The following ZNF341 variants were observed in gnomAD, a reference collection of about 807,000 sequenced individuals.
The protein encoded by ZNF341 is zinc finger protein 341.
Under a neutral mutation model 87.7 loss-of-function variants are expected in ZNF341, and 52 were observed. The ratio of observed to expected loss-of-function variants is 0.59; its 90% CI spans 0.47 to 0.75. The LOEUF is 0.75. ZNF341 is among the 30% of genes least tolerant of loss of function. ZNF341 has a pLI of 0.00. For synonymous variants in ZNF341, 459 were observed against 472.7 expected (o/e 0.97, Z 0.38); for missense variants, 977 against 1,145.9 (o/e 0.85, Z 2.13).
At chr20:33,741,866 G>A (rs2018810394) in intron 2 of ZNF341, among the ~76,000 whole-genome samples, 1 of 152,210 alleles carries the variant, frequency 6.6e-6, no homozygotes, top group African/African-American at 2.4e-5. Flanking sequence ...GTGGGCAAGT[G>A]AGTGAATTTC....
At chr20:33,773,003 G>A (rs1319816636) in intron 10 of ZNF341, among the ~76,000 whole-genome samples, 5 of 152,170 alleles carry the variant, frequency 3.3e-5, no homozygotes. Context: ...AATTTTCTTT[G>A]GCTCTTGCCC....
chr20:33,778,473 G>C (rs1393997716), intron 10 of ZNF341, among the ~76,000 whole-genome samples: 2 of 152,080 alleles, frequency 1.3e-5, no homozygotes, highest in South Asian at 4.2e-4. Context: ...ACCACACCTG[G>C]CTAATTTTTG....
At chr20:33,772,386 G>T (rs1425905564) in intron 10 of ZNF341, among the ~76,000 whole-genome samples, 2 of 152,090 alleles carry the variant, frequency 1.3e-5, no homozygotes, top group African/African-American at 2.4e-5. Context: ...GCAGAGATTT[G>T]GTGTTTCTGT....
intron 10 of ZNF341, among the ~76,000 whole-genome samples, chr20:33,774,666 T>C (rs2122713685): frequency 1.3e-5 from 2 of 152,324 alleles, no homozygotes; most frequent in Middle Eastern, 6.8e-3. Context: ...TTAAAACTTT[T>C]TCACTTAAAA....
chr20:33,736,976 G>C (rs892871005), intron 1 of ZNF341, among the ~76,000 whole-genome samples: 1 of 152,290 alleles, frequency 6.6e-6, no homozygotes, highest in African/African-American at 2.4e-5. Flanking sequence ...AAACACTTAG[G>C]GGGTGGCCAG....
At chr20:33,753,100 AT>A in intron 4 of ZNF341, 71 bp from the exon 5 acceptor site, 1 of 1,601,658 alleles carries the variant, frequency 6.2e-7, no homozygotes, top group South Asian at 1.1e-5. Context: ...GCTAAAGCAA[AT>A]GTCCTTCCTT....
chr20:33,740,169 C>G (rs751667772), intron 1 of ZNF341, among the ~76,000 whole-genome samples: 1 of 152,132 alleles, frequency 6.6e-6, no homozygotes, highest in Non-Finnish European at 1.5e-5. Context: ...TGGCTCCATC[C>G]AGCTTTTTAT....
intron 12 of ZNF341, chr20:33,788,294 C>G (rs974177184): frequency 6.3e-6 from 1 of 158,090 alleles, no homozygotes; most frequent in Non-Finnish European, 1.4e-5. Flanking sequence ...TGGCACACAC[C>G]TGTAATCCCA....
intron 12 of ZNF341, among the ~76,000 whole-genome samples, chr20:33,786,704 C>T (rs768652326): frequency 1.3e-5 from 2 of 152,084 alleles, no homozygotes; most frequent in African/African-American, 4.8e-5. Flanking sequence ...CGCGGTGGCT[C>T]ATGCCTGTAA....
In ZNF341 at chr20:33,740,825, T is replaced by G. The variant is rs980437783; in HGVS notation, c.32-77T>G. 1.0e-4 allele frequency: 138 copies of G among 1,384,634 alleles called. 1 individual carries two copies. The Admixed American group carries it at 2.4e-3, about 24-fold the overall frequency. 85.8% of individuals were successfully genotyped at this position (1,384,634 alleles called of 1,614,324 possible). A position where few individuals can be genotyped will look rare whatever the true frequency, so the allele number is the denominator to read the frequency against. On this transcript the variant is annotated intron_variant, in intron 1 of 14. Coordinates refer to ENST00000375200, the MANE Select transcript of ZNF341 (RefSeq NM_001282933.2). ...ACCCAGCCGCCACAGGGGTTTTGCC[T>G]GGGTCTGGCTTGTAAGGGTGATGTC...
At chr20:33,777,348 AAT>A (rs2019648895) in intron 10 of ZNF341, among the ~76,000 whole-genome samples, 1 of 147,994 alleles carries the variant, frequency 6.8e-6, no homozygotes. Flanking sequence ...AAAAAAAAAA[AAT>A]CAGGCCAGGT....
At chr20:33,746,255 C>T (rs181900942) in intron 3 of ZNF341, among the ~76,000 whole-genome samples, 2,141 of 76,190 alleles carry the variant, frequency 0.028, 83 homozygotes, top group African/African-American at 0.13. Context: ...TTTTTTGAGA[C>T]GGAGTTTCAC....
In ZNF341 at chr20:33,791,463, C is replaced by T. The variant is rs756565760; in HGVS notation, c.2511C>T (p.Ala837=). 16 of 1,601,252 alleles carry T rather than the reference C, an allele frequency of 1.0e-5. No homozygotes were observed. Among genetic ancestry groups the T allele is most frequent in the African/African-American group, 6.7e-5 (5 of 74,970 alleles). Residue 837 remains alanine (A), a synonymous_variant, in exon 15 of 15, where the codon GCC becomes GCT. Transcript: ENST00000375200. The stretch of plus-strand genomic sequence containing the variant: ...CTCTGGCGGAGCTGCAGGCTGGGGC[C>T]GAGGGCCCATGTGCCATGCTCGCTG... ...NLALAELQAG[A]EGPCAMLAVP...
chr20:33,737,958 A>G (rs1420133799), intron 1 of ZNF341, among the ~76,000 whole-genome samples: 1 of 150,948 alleles, frequency 6.6e-6, no homozygotes, highest in African/African-American at 2.4e-5. Context: ...ACCAACATGG[A>G]GAAACCCTGT....
chr20:33,790,981 C>T lies in ZNF341; in HGVS notation c.2036-7C>T, dbSNP rs1260872070. On this transcript the variant is annotated splice_polypyrimidine_tract_variant and splice_region_variant and intron_variant, in intron 14 of 14. Transcript: ENST00000375200. ...ATGCTTCTCACTGACTTTCCCTTGC[C>T]CTCCAGGCATGAAGCTCCACAAATG... 6 of 1,605,172 alleles carry T rather than the reference C, an allele frequency of 3.7e-6. No individual in the cohort carries two copies. The African/African-American group carries it at 4.0e-5, about 11-fold the overall frequency.
chr20:33,788,680 C>G, intron 12 of ZNF341, 183 bp from the exon 13 acceptor site: 2 of 657,700 alleles, frequency 3.0e-6, no homozygotes, highest in Non-Finnish European at 5.6e-6. Flanking sequence ...TCCTGACCAT[C>G]CTGTCAAAAT....
At chr20:33,746,453 C>G (rs1447045827) in intron 3 of ZNF341, among the ~76,000 whole-genome samples, 1 of 151,808 alleles carries the variant, frequency 6.6e-6, no homozygotes, top group Non-Finnish European at 1.5e-5. Context: ...AAGATATTCT[C>G]GATCTCCTGA....
intron 10 of ZNF341, among the ~76,000 whole-genome samples, chr20:33,770,614 T>C (rs1369887793): frequency 6.6e-6 from 1 of 152,194 alleles, no homozygotes; most frequent in African/African-American, 2.4e-5. Flanking sequence ...TAAACAATTA[T>C]GACAGTATTA....
chr20:33,760,501 C>T lies in ZNF341; in HGVS notation c.1029-1361C>T, dbSNP rs138931714. 4.7e-3 allele frequency among the ~76,000 whole-genome samples: 714 copies of T among 152,240 alleles called. 2 individuals are homozygous for T. The highest frequency in any genetic ancestry group is 0.01 in the Middle Eastern group (3 of 294). Reference sequence around the variant, plus strand: ...AGCACTTGGAATGTGGCTAGTGAGTCTGAGAAACTGAATTTTGTATTTTAT... The same window carrying T: ...AGCACTTGGAATGTGGCTAGTGAGTTTGAGAAACTGAATTTTGTATTTTAT... On this transcript the variant is annotated intron_variant, in intron 7 of 14. Coordinates refer to ENST00000375200, the MANE Select transcript of ZNF341 (RefSeq NM_001282933.2).
Sources: allele counts gnomAD v4.1 joint callset (sites outside exome capture counted in the v4.1 genomes callset), GRCh38; gene constraint gnomAD v4.1.1; transcripts MANE v1.5; gene names NCBI Gene and HGNC (gene_info 2026-07-23, HGNC 2026-07-21).